The following GRM1 variants were observed in gnomAD, a reference collection of about 807,000 sequenced individuals.
GRM1 encodes the protein glutamate metabotropic receptor 1, also known as metabotropic glutamate receptor 1.
Under a neutral mutation model 90.9 loss-of-function variants are expected in GRM1, and 33 were observed. That is an observed-to-expected ratio of 0.36 (90% CI 0.28 to 0.49). The LOEUF (loss-of-function observed/expected upper bound fraction) is 0.49, where lower values mean the gene tolerates loss of function less well. Among genes scored for constraint, GRM1 ranks in the 20% least tolerant of loss-of-function variants. GRM1 has a pLI of 0.99. For missense variants in GRM1, 1,190 were observed against 1,534.3 expected, an observed-to-expected ratio of 0.78 and a Z score of 3.75; for synonymous variants, 700 against 613.2, an observed-to-expected ratio of 1.14 and a Z score of -2.09.
At chr6:146,132,165 A>G (rs1346309741) in intron 1 of GRM1, among the ~76,000 whole-genome samples, 1 of 152,172 alleles carries the variant, frequency 6.6e-6, no homozygotes, top group African/African-American at 2.4e-5. Flanking sequence ...ACTTTATCCT[A>G]AGTGTCAGGG....
At chr6:146,292,916 G>T (rs1437014325) in intron 2 of GRM1, among the ~76,000 whole-genome samples, 1 of 151,900 alleles carries the variant, frequency 6.6e-6, no homozygotes, top group Non-Finnish European at 1.5e-5. Flanking sequence ...ATACTGATAC[G>T]ATGTAATACT....
At chr6:146,043,796 T>TAGAGAGAGAG (rs1554260532) in intron 1 of GRM1, among the ~76,000 whole-genome samples, 1 of 137,940 alleles carries the variant, frequency 7.2e-6, no homozygotes, top group African/African-American at 2.6e-5. Context: ...TATATATATA[T>TAGAGAGAGAG]ATATATATAT....
At chr6:146,369,991 T>A (rs1775839411) in intron 5 of GRM1, among the ~76,000 whole-genome samples, 1 of 152,100 alleles carries the variant, frequency 6.6e-6, no homozygotes, top group African/African-American at 2.4e-5. Flanking sequence ...TTGCTTTGTA[T>A]ATTTGGGTGC....
chr6:146,190,025 C>G (rs1778884675), intron 2 of GRM1, among the ~76,000 whole-genome samples: 1 of 152,104 alleles, frequency 6.6e-6, no homozygotes, highest in African/African-American at 2.4e-5. Context: ...GGTATAGGGC[C>G]TTGGAGTTGT....
intron 1 of GRM1, among the ~76,000 whole-genome samples, chr6:146,069,302 G>A (rs1247286891): frequency 6.6e-6 from 1 of 152,032 alleles, no homozygotes; most frequent in African/African-American, 2.4e-5. Context: ...TCTTTCATCA[G>A]TTTGTAAGCT....
intron 2 of GRM1, among the ~76,000 whole-genome samples, chr6:146,227,182 A>G (rs985226949): frequency 2.6e-5 from 4 of 152,114 alleles, no homozygotes; most frequent in African/African-American, 7.2e-5. Context: ...TATCTAAAAC[A>G]TACAGAAATA....
intron 2 of GRM1, among the ~76,000 whole-genome samples, chr6:146,235,647 A>G (rs1394698230): frequency 7.4e-6 from 1 of 134,238 alleles, no homozygotes; most frequent in African/African-American, 2.9e-5. Context: ...CTTCAATTTC[A>G]CTTCAGTTTT....
intron 6 of GRM1, among the ~76,000 whole-genome samples, chr6:146,396,531 A>T (rs983928526): frequency 1.3e-5 from 2 of 152,212 alleles, no homozygotes; most frequent in African/African-American, 4.8e-5. Flanking sequence ...TCTTAGGCTT[A>T]CATGTTCCTC....
At chr6:146,123,501 G>T (rs1277687942) in intron 1 of GRM1, among the ~76,000 whole-genome samples, 3 of 152,128 alleles carry the variant, frequency 2.0e-5, no homozygotes, top group African/African-American at 4.8e-5. Flanking sequence ...TCACTCTTTT[G>T]CCCCAAAAAC....
chr6:146,388,697 C>T (rs927657464), intron 6 of GRM1, among the ~76,000 whole-genome samples: 6 of 151,986 alleles, frequency 3.9e-5, no homozygotes, highest in Admixed American at 6.6e-5. Flanking sequence ...CAGGAATTAC[C>T]CACCTCCAGA....
intron 2 of GRM1, among the ~76,000 whole-genome samples, chr6:146,296,927 C>G (rs898808018): frequency 1.3e-5 from 2 of 152,184 alleles, no homozygotes; most frequent in African/African-American, 4.8e-5. Context: ...ATTCATGAAG[C>G]CATCTTTCAC....
intron 7 of GRM1, among the ~76,000 whole-genome samples, chr6:146,411,664 G>C (rs139346537): frequency 2.8e-4 from 42 of 152,296 alleles, no homozygotes; most frequent in Non-Finnish European, 2.4e-4. Flanking sequence ...GATTACAGTG[G>C]CCTGACCTGT....
At chr6:146,100,850 C>T (rs1349640347) in intron 1 of GRM1, among the ~76,000 whole-genome samples, 1 of 152,170 alleles carries the variant, frequency 6.6e-6, no homozygotes, top group African/African-American at 2.4e-5. Context: ...ATAATCCCAG[C>T]ACTTTTGGAA....
At chr6:146,167,833 G>A (rs1279061596) in intron 2 of GRM1, among the ~76,000 whole-genome samples, 3 of 152,002 alleles carry the variant, frequency 2.0e-5, no homozygotes, top group Non-Finnish European at 4.4e-5. Context: ...CTCAATATGT[G>A]TCTGAAATTT....
At chr6:146,213,204 TAAG>T (rs1404793827) in intron 2 of GRM1, among the ~76,000 whole-genome samples, 4 of 152,052 alleles carry the variant, frequency 2.6e-5, no homozygotes, top group Admixed American at 6.6e-5. Context: ...GCATGAAAGA[TAAG>T]AAGTGAGATA....
chr6:146,043,922 G>A (rs891337075), intron 1 of GRM1, among the ~76,000 whole-genome samples: 1 of 151,184 alleles, frequency 6.6e-6, no homozygotes, highest in Non-Finnish European at 1.5e-5. Flanking sequence ...GAAACTGGAG[G>A]TATCTTACAC....
chr6:146,162,851 G>A (rs1337456385), intron 2 of GRM1, among the ~76,000 whole-genome samples: 1 of 152,004 alleles, frequency 6.6e-6, no homozygotes. Context: ...CGTGGACTAA[G>A]AGTTCTAGCT....
At chr6:146,342,223 G>A (rs1233209095) in intron 3 of GRM1, among the ~76,000 whole-genome samples, 2 of 152,152 alleles carry the variant, frequency 1.3e-5, no homozygotes, top group African/African-American at 4.8e-5. Flanking sequence ...ATGCAGTGAT[G>A]AACAAAGCAT....
At chr6:146,336,538 G>C (rs1287520008) in intron 3 of GRM1, among the ~76,000 whole-genome samples, 1 of 152,190 alleles carries the variant, frequency 6.6e-6, no homozygotes, top group Admixed American at 6.5e-5. Flanking sequence ...GTTCGCCTGA[G>C]AGCAATTCCT....
Sources: allele counts gnomAD v4.1 joint callset (sites outside exome capture counted in the v4.1 genomes callset), GRCh38; gene constraint gnomAD v4.1.1; transcripts MANE v1.5; gene names NCBI Gene and HGNC (gene_info 2026-07-23, HGNC 2026-07-21).